NEMP2: variants seen among roughly 807,000 people sequenced by gnomAD.
The protein encoded by NEMP2 is UPF0571 transmembrane protein.
In NEMP2, 53 loss-of-function variants were observed where a neutral mutation model predicts 54.2. That is an observed-to-expected ratio of 0.98 (90% CI 0.78 to 1.23). NEMP2 has a LOEUF of 1.23. Ranked by LOEUF, NEMP2 falls within the 50% of genes most tolerant of loss-of-function variation. The probability of loss-of-function intolerance (pLI) is 0.00; values close to 1 mark genes in which losing one functional copy is unlikely to be tolerated. For synonymous variants in NEMP2, 197 were observed against 190.3 expected (o/e 1.04, Z -0.29); for missense variants, 455 against 511.3 (o/e 0.89, Z 1.06).
At position 190,514,806 on chromosome 2, in the gene NEMP2, AAAGT is replaced by A. The variant is rs1483860585; in HGVS notation, c.728-132_728-129del. 6 of 844,458 alleles carry A rather than the reference AAAGT, an allele frequency of 7.1e-6. No individual in the cohort carries two copies. In the Admixed American group the frequency reaches 1.6e-4, roughly 23 times the overall value. 52.3% of individuals were successfully genotyped at this position (844,458 alleles called of 1,614,324 possible). ...TTAATTTTTGTGTTTTTTACCCCAT[AAAGT>A]AAGGTTGAAAAATGCACATAGGGTG... is the stretch of plus-strand genomic sequence containing the variant. On this transcript the variant is annotated intron_variant, in intron 6 of 8. Transcript: ENST00000409150. The surrounding 1 kb of genome is among the most constrained non-coding windows in gnomAD (Gnocchi z 5.7).
the NEMP2 span, among the ~76,000 whole-genome samples, chr2:190,488,006 G>A: frequency 6.6e-6 from 1 of 152,090 alleles, no homozygotes; most frequent in African/African-American, 2.4e-5. The surrounding 1 kb of genome is among the most constrained non-coding windows in gnomAD (Gnocchi z 6.4). Context: ...GGGTTCAAAC[G>A]ATTCCACTGC....
At chr2:190,499,244 T>A in the NEMP2 span, among the ~76,000 whole-genome samples, 1 of 152,224 alleles carries the variant, frequency 6.6e-6, no homozygotes, top group Non-Finnish European at 1.5e-5. This position sits in a 1 kb window ranked among gnomAD's most constrained non-coding sequence, Gnocchi z 6.0. Context: ...TTCTTAGAAG[T>A]CATTATACTA....
chr2:190,624,601 A>T, the NEMP2 span: 1 of 152,268 alleles, frequency 6.6e-6, no homozygotes, highest in African/African-American at 2.4e-5. Flanking sequence ...AATGTGGTAC[A>T]TATACACGGT....
chr2:190,580,716 G>A, the NEMP2 span, among the ~76,000 whole-genome samples: 2 of 152,098 alleles, frequency 1.3e-5, no homozygotes, highest in African/African-American at 4.8e-5. The surrounding 1 kb of genome is among the most constrained non-coding windows in gnomAD (Gnocchi z 5.3). Context: ...TATTGTGATG[G>A]GCGGGTTTGC....
At chr2:190,434,585 C>T in the NEMP2 span, among the ~76,000 whole-genome samples, 31 of 152,250 alleles carry the variant, frequency 2.0e-4, no homozygotes, top group South Asian at 3.3e-3. The surrounding 1 kb of genome is among the most constrained non-coding windows in gnomAD (Gnocchi z 4.3). Context: ...ACATGCGTGC[C>T]ACCAGGCCCA....
downstream of NEMP2, chr2:190,502,267 A>C (rs939039439): frequency 2.6e-5 from 4 of 152,188 alleles, no homozygotes; most frequent in African/African-American, 9.7e-5. This position sits in a 1 kb window ranked among gnomAD's most constrained non-coding sequence, Gnocchi z 4.4. Flanking sequence ...CCTGTCCCCA[A>C]AGTGCCATAT....
chr2:190,548,672 G>A, the NEMP2 span, among the ~76,000 whole-genome samples: 4 of 152,232 alleles, frequency 2.6e-5, no homozygotes, highest in South Asian at 2.1e-4. Flanking sequence ...TTGTGATAGC[G>A]ATCTTTTATG....
chr2:190,510,679 AGACGGTCCT>A lies in NEMP2; in HGVS notation c.954-151_954-143del. On this transcript the variant is annotated intron_variant, in intron 7 of 8. Transcript: ENST00000409150. This position sits in a 1 kb window ranked among gnomAD's most constrained non-coding sequence, Gnocchi z 5.7. Reference sequence around the variant, plus strand: ...GGCGGATCACGAGGTCAGGAGATTGAGACGGTCCTGGCTAACAAGGTGAAACACTGTCTC... The same window carrying A: ...GGCGGATCACGAGGTCAGGAGATTGAGGCTAACAAGGTGAAACACTGTCTC... 1.3e-6 allele frequency: 1 copy of A among 747,796 alleles called. No individual in the cohort carries two copies. The highest frequency in any genetic ancestry group is 2.2e-6 in the Non-Finnish European group (1 of 457,922). 46.3% of individuals were successfully genotyped at this position (747,796 alleles called of 1,614,324 possible).
chr2:190,559,840 G>A, the NEMP2 span, among the ~76,000 whole-genome samples: 2 of 152,202 alleles, frequency 1.3e-5, no homozygotes, highest in African/African-American at 4.8e-5. The surrounding 1 kb of genome is among the most constrained non-coding windows in gnomAD (Gnocchi z 4.0). Context: ...GGCTGCTCCA[G>A]GGAGGTAGCT....
At chr2:190,432,068 T>G in the NEMP2 span, among the ~76,000 whole-genome samples, 1 of 152,230 alleles carries the variant, frequency 6.6e-6, no homozygotes, top group Admixed American at 6.5e-5. Flanking sequence ...TCCTCAAATG[T>G]CTTATAATCC....
At chr2:190,625,177 A>G in the NEMP2 span, 2 of 152,228 alleles carry the variant, frequency 1.3e-5, no homozygotes, top group Non-Finnish European at 2.9e-5. Context: ...CATGATTAAT[A>G]GTAGCTAAAA....
Position 190,505,389 on chromosome 2 carries a change from G to A in NEMP2, c.*3800C>T, listed in dbSNP as rs1690163400. 6.6e-6 allele frequency: 1 copy of A among 152,136 alleles called. No homozygotes were observed. Among genetic ancestry groups the A allele is most frequent in the South Asian group, 2.1e-4 (1 of 4,826 alleles). 9.4% of individuals were successfully genotyped at this position (152,136 alleles called of 1,614,324 possible). On this transcript the variant is annotated 3_prime_UTR_variant, in exon 9 of 9. Transcript: ENST00000409150. This position sits in a 1 kb window ranked among gnomAD's most constrained non-coding sequence, Gnocchi z 5.8. ...AGAGTGGTCATGAGGTGCAAATTAA[G>A]AGGTATCGAAGGTGCCTCATATAGT...
the NEMP2 span, chr2:190,628,271 C>T: frequency 6.6e-6 from 1 of 152,224 alleles, no homozygotes; most frequent in Non-Finnish European, 1.5e-5. This position sits in a 1 kb window ranked among gnomAD's most constrained non-coding sequence, Gnocchi z 4.1. Flanking sequence ...TCTGCTGCAT[C>T]ATGTGGGGCA....
rs1226584892 is a variant in NEMP2 at position 190,506,332 on chromosome 2, G to A, written c.*2857C>T. ...CCACATCCATTATGTTGTCTATCTT[G>A]CTTTCAGTTGGACAAGAAAAGCTAA... On this transcript the variant is annotated 3_prime_UTR_variant, in exon 9 of 9. Coordinates refer to ENST00000409150, the MANE Select transcript of NEMP2 (RefSeq NM_001142645.2). The surrounding 1 kb of genome is among the most constrained non-coding windows in gnomAD (Gnocchi z 6.3). The A allele has an allele frequency of 6.6e-6, 1 of 152,126 alleles. No individual in the cohort carries two copies. Among genetic ancestry groups the A allele is most frequent in the African/African-American group, 2.4e-5 (1 of 41,430 alleles). 9.4% of individuals were successfully genotyped at this position (152,126 alleles called of 1,614,324 possible). A position where few individuals can be genotyped will look rare whatever the true frequency, so the allele number is the denominator to read the frequency against.
chr2:190,572,194 ATAGC>A, the NEMP2 span, among the ~76,000 whole-genome samples: 2 of 152,220 alleles, frequency 1.3e-5, no homozygotes, highest in African/African-American at 4.8e-5. Context: ...CATTTAAACT[ATAGC>A]TAGTATATTT....
rs1690226169 is a variant in NEMP2 at position 190,507,703 on chromosome 2, C to T, written c.*1486G>A. Reference sequence around the variant, plus strand: ...TGAAAAGATGTCTGGCAAAAACAGACCTGTAAATACTTCAAAGAGGAACTA... The same window carrying T: ...TGAAAAGATGTCTGGCAAAAACAGATCTGTAAATACTTCAAAGAGGAACTA... On this transcript the variant is annotated 3_prime_UTR_variant, in exon 9 of 9. Transcript: ENST00000409150. The surrounding 1 kb of genome is among the most constrained non-coding windows in gnomAD (Gnocchi z 4.4). 6.6e-6 allele frequency: 1 copy of T among 151,710 alleles called. No individual in the cohort carries two copies. Among genetic ancestry groups the T allele is most frequent in the African/African-American group, 2.4e-5 (1 of 41,272 alleles). 9.4% of individuals were successfully genotyped at this position (151,710 alleles called of 1,614,324 possible). A position where few individuals can be genotyped will look rare whatever the true frequency, so the allele number is the denominator to read the frequency against.
chr2:190,449,489 A>G, the NEMP2 span, among the ~76,000 whole-genome samples: 2 of 152,144 alleles, frequency 1.3e-5, no homozygotes, highest in Non-Finnish European at 2.9e-5. Context: ...AAAAAAATTA[A>G]TATCAAACTG....
At chr2:190,556,322 C>T in the NEMP2 span, among the ~76,000 whole-genome samples, 1,229 of 152,244 alleles carry the variant, frequency 8.1e-3, 23 homozygotes, top group African/African-American at 0.027. Context: ...ATTGATGGAA[C>T]GTATCTCAAA....
chr2:190,623,079 T>C, the NEMP2 span, among the ~76,000 whole-genome samples: 4 of 152,110 alleles, frequency 2.6e-5, no homozygotes, highest in Non-Finnish European at 4.4e-5. Context: ...CAATCCTATT[T>C]ACTATACAAA....
Sources: allele counts gnomAD v4.1 joint callset (sites outside exome capture counted in the v4.1 genomes callset), GRCh38; gene constraint gnomAD v4.1.1; non-coding constraint Gnocchi (gnomAD v3.1); transcripts MANE v1.5; gene names NCBI Gene and HGNC (gene_info 2026-07-23, HGNC 2026-07-21).